The following POC5 variants were observed in gnomAD, a reference collection of about 807,000 sequenced individuals.
The protein encoded by POC5 is centrosomal protein POC5.
In POC5, 48 loss-of-function variants were observed where a neutral mutation model predicts 62.9. That is an observed-to-expected ratio of 0.76 (90% CI 0.61 to 0.97). POC5 has a LOEUF of 0.97. Among genes scored for constraint, POC5 ranks in the 50% least tolerant of loss-of-function variants. The probability of loss-of-function intolerance (pLI) is 0.00; values close to 1 mark genes in which losing one functional copy is unlikely to be tolerated. For missense variants in POC5, 696 were observed against 679.5 expected, an observed-to-expected ratio of 1.02 and a Z score of -0.27; for synonymous variants, 236 against 228.2, an observed-to-expected ratio of 1.03 and a Z score of -0.31.
Position 75,690,317 on chromosome 5 carries a change from TAATA to T in POC5, c.975+62_975+65del, listed in dbSNP as rs1397876555. 3.6e-6 allele frequency: 5 copies of T among 1,377,018 alleles called. No homozygotes were observed. The East Asian group carries it at 1.2e-4, about 34-fold the overall frequency. The allele number at this position is 1,377,018 out of a possible 1,614,324, so 85.3% of individuals were successfully genotyped here. A position where few individuals can be genotyped will look rare whatever the true frequency, so the allele number is the denominator to read the frequency against. The stretch of plus-strand genomic sequence containing the variant: ...AGACCAAAAGAAGAAGTCTATTAAT[TAATA>T]GTGAGTCTATCTATCTTTTTATTGT... On this transcript the variant is annotated intron_variant, in intron 8 of 11. Coordinates refer to ENST00000428202, the MANE Select transcript of POC5 (RefSeq NM_001099271.2).
intron 5 of POC5, among the ~76,000 whole-genome samples, chr5:75,697,258 A>T (rs1447409131): frequency 1.3e-5 from 2 of 152,212 alleles, no homozygotes; most frequent in Non-Finnish European, 2.9e-5. Context: ...TAATTGTCAG[A>T]TTCGCCAAAG....
At chr5:75,709,502 T>C (rs1777257115) in intron 2 of POC5, 1 of 152,146 alleles carries the variant, frequency 6.6e-6, no homozygotes, top group African/African-American at 2.4e-5. Context: ...TAAAAAATTA[T>C]AGAACATTTC....
intron 2 of POC5, among the ~76,000 whole-genome samples, chr5:75,711,389 CAGTGTATA>C (rs886172656): frequency 4.6e-5 from 7 of 151,876 alleles, no homozygotes; most frequent in Admixed American, 1.3e-4. Flanking sequence ...AGGAAATTTT[CAGTGTATA>C]AGCACTATGG....
At chr5:75,689,361 C>T (rs1776224233) in intron 8 of POC5, 196 bp from the exon 9 acceptor site, 4 of 984,794 alleles carry the variant, frequency 4.1e-6, no homozygotes, top group Non-Finnish European at 4.8e-6. Context: ...TGCTTTCATT[C>T]CTAACCTTAA....
At chr5:75,692,659 T>C (rs1366199639) in intron 6 of POC5, among the ~76,000 whole-genome samples, 159 bp from the exon 7 acceptor site, 1 of 152,134 alleles carries the variant, frequency 6.6e-6, no homozygotes, top group Admixed American at 6.6e-5. Context: ...ATGGTAAAAC[T>C]TTCTCACATG....
chr5:75,689,754 T>C (rs1177042101), intron 8 of POC5: 36 of 828,944 alleles, frequency 4.3e-5, no homozygotes, highest in Non-Finnish European at 4.9e-5. Flanking sequence ...TATTTTTTCA[T>C]TTTAATATTT....
intron 10 of POC5, among the ~76,000 whole-genome samples, chr5:75,683,703 TA>T (rs199993511): frequency 0.077 from 10,595 of 138,492 alleles, 368 homozygotes; most frequent in South Asian, 0.12. Flanking sequence ...AAACTCTAGT[TA>T]AAAAAAAAAA....
At position 75,674,390 on chromosome 5, in the gene POC5, G is replaced by A. The variant is rs1283258141; in HGVS notation, c.*45C>T. ...AAAACCAAAAGACTTCTAACCCTTGGTAAGACCAGAGGGATTAAAAGACCC... is the reference window on the plus strand; with the variant it reads ...AAAACCAAAAGACTTCTAACCCTTGATAAGACCAGAGGGATTAAAAGACCC... On this transcript the variant is annotated 3_prime_UTR_variant, in exon 12 of 12. Coordinates refer to ENST00000428202, the MANE Select transcript of POC5 (RefSeq NM_001099271.2). 2 of 1,582,944 alleles carry A rather than the reference G, an allele frequency of 1.3e-6. No homozygotes were observed. Among genetic ancestry groups the A allele is most frequent in the Non-Finnish European group, 1.7e-6 (2 of 1,162,634 alleles).
At chr5:75,703,437 C>A (rs1446003431) in intron 4 of POC5, among the ~76,000 whole-genome samples, 1 of 151,862 alleles carries the variant, frequency 6.6e-6, no homozygotes, top group Non-Finnish European at 1.5e-5. Context: ...ACCATCCTGG[C>A]CAACAAGGTG....
At chr5:75,677,740 C>T in intron 11 of POC5, 34 bp downstream of exon 11, 1 of 1,504,422 alleles carries the variant, frequency 6.6e-7, no homozygotes, top group Non-Finnish European at 8.9e-7. Context: ...AGGAAAAAGA[C>T]TTTTTGACAA....
At position 75,685,278 on chromosome 5, in the gene POC5, C is replaced by A. The variant is rs34678567; in HGVS notation, c.1336G>T (p.Ala446Ser). The A allele has an allele frequency of 7.4e-6, 12 of 1,613,852 alleles. No homozygotes were observed. The highest frequency in any genetic ancestry group is 2.2e-5 in the East Asian group (1 of 44,892). The change falls in exon 10 of 12, where the codon GCA becomes TCA. Residue 446 changes from alanine (A) to serine (S), a missense_variant. Transcript: ENST00000428202. ...ASMTSTRAAS[A>S]SSVHVPVSAL... The stretch of plus-strand genomic sequence containing the variant: ...GAAACAGGAACGTGAACAGAAGATG[C>A]GGAAGCAGCCCTGGTAGAAGTCATC...
At chr5:75,692,375 G>C (rs1776374021) in intron 7 of POC5, 21 bp downstream of exon 7, 1 of 1,523,554 alleles carries the variant, frequency 6.6e-7, no homozygotes, top group African/African-American at 1.4e-5. Flanking sequence ...TCCATCAGCT[G>C]TCTTCTGCTT....
chr5:75,680,570 T>C (rs1488562997), intron 10 of POC5, among the ~76,000 whole-genome samples: 1 of 152,142 alleles, frequency 6.6e-6, no homozygotes, highest in Non-Finnish European at 1.5e-5. Context: ...GTTTGTCACT[T>C]GTACTTGTTA....
chr5:75,683,041 A>C (rs1406558259), intron 10 of POC5, among the ~76,000 whole-genome samples: 1 of 152,210 alleles, frequency 6.6e-6, no homozygotes, highest in Non-Finnish European at 1.5e-5. Context: ...CGTCCAGAGC[A>C]ATGGCACCTT....
chr5:75,712,420 T>A, intron 2 of POC5: 1 of 1,613,016 alleles, frequency 6.2e-7, no homozygotes. Flanking sequence ...GGCAGCAGAT[T>A]GTACTGAATG....
intron 4 of POC5, among the ~76,000 whole-genome samples, chr5:75,703,310 T>C (rs977267941): frequency 6.6e-6 from 1 of 152,166 alleles, no homozygotes; most frequent in Non-Finnish European, 1.5e-5. Context: ...CTCTGTAAGT[T>C]TAACACTGGG....
intron 5 of POC5, among the ~76,000 whole-genome samples, chr5:75,696,957 A>G (rs4703677): frequency 0.24 from 36,607 of 151,392 alleles, 4,521 homozygotes; most frequent in South Asian, 0.31. Context: ...GGGTATCAGC[A>G]ATGGAAGATG....
intron 2 of POC5, among the ~76,000 whole-genome samples, chr5:75,708,918 T>C (rs776194145): frequency 1.3e-5 from 2 of 152,094 alleles, no homozygotes; most frequent in Non-Finnish European, 2.9e-5. Context: ...CCGCAACCTC[T>C]GCCTCCCAGG....
chr5:75,683,239 GT>G (rs10577952), intron 10 of POC5, among the ~76,000 whole-genome samples: 11,017 of 146,158 alleles, frequency 0.075, 403 homozygotes, highest in South Asian at 0.11. Flanking sequence ...TAACAGTGTT[GT>G]TTTTTTTTTT....
Sources: gnomAD v4.1 joint callset for allele counts (sites outside exome capture counted in the v4.1 genomes callset) on GRCh38, gnomAD v4.1.1 for gene constraint, MANE v1.5 for transcripts, NCBI Gene and HGNC (gene_info 2026-07-23, HGNC 2026-07-21) for gene names.